DLGAP1: variants seen among roughly 807,000 people sequenced by gnomAD.
The protein encoded by DLGAP1 is disks large-associated protein 1.
DLGAP1 carries 11 observed loss-of-function variants against 90.8 expected under a neutral mutation model. The observed-to-expected ratio is 0.12, with a 90% CI of 0.08 to 0.20. The LOEUF (loss-of-function observed/expected upper bound fraction) is 0.20. Ranked by LOEUF, DLGAP1 falls within the 10% of genes least tolerant of loss-of-function variation. DLGAP1 has a pLI of 1.00. For missense variants in DLGAP1, 1,050 were observed against 1,333.8 expected, an observed-to-expected ratio of 0.79 and a Z score of 3.31; for synonymous variants, 558 against 540.7, an observed-to-expected ratio of 1.03 and a Z score of -0.44.
intron 3 of DLGAP1, among the ~76,000 whole-genome samples, chr18:3,934,499 A>G (rs997353858): frequency 1.3e-5 from 2 of 152,162 alleles, no homozygotes; most frequent in Non-Finnish European, 2.9e-5. Flanking sequence ...CAGGGAGATA[A>G]GAAGAGTGGC....
At chr18:4,229,923 G>A (rs1471329548) in intron 1 of DLGAP1, among the ~76,000 whole-genome samples, 1 of 151,900 alleles carries the variant, frequency 6.6e-6, no homozygotes, top group Non-Finnish European at 1.5e-5. Flanking sequence ...TATATAAGGA[G>A]CTCAAACAAC....
At position 3,602,593 on chromosome 18, in the gene DLGAP1, CAAAAAAAAAA is replaced by C. The variant is rs71159102; in HGVS notation, c.1592-20355_1592-20346del. On this transcript the variant is annotated intron_variant, in intron 7 of 12. Transcript: ENST00000315677. ...CTGGGCGACAGAGCGAGACTCCGTC[CAAAAAAAAAA>C]AAAAAAAAAAAAACAAAGAAACTTG... is the stretch of plus-strand genomic sequence containing the variant. Among the ~76,000 whole-genome samples, 524 of 66,716 alleles carry C rather than the reference CAAAAAAAAAA, an allele frequency of 7.9e-3. 4 individuals carry two copies. Among genetic ancestry groups the C allele is most frequent in the African/African-American group, 0.03 (489 of 16,276 alleles). The allele number at this position is 66,716 out of a possible 152,430, so 43.8% of individuals were successfully genotyped here.
intron 7 of DLGAP1, among the ~76,000 whole-genome samples, chr18:3,620,923 C>T (rs1639356): frequency 0.029 from 4,440 of 152,178 alleles, 198 homozygotes; most frequent in African/African-American, 0.1. Context: ...GAGCTTTCAC[C>T]CTTCAAACAG....
At chr18:3,725,078 C>A (rs1333641994) in intron 7 of DLGAP1, among the ~76,000 whole-genome samples, 1 of 152,176 alleles carries the variant, frequency 6.6e-6, no homozygotes, top group Non-Finnish European at 1.5e-5. Flanking sequence ...TTACCATCTG[C>A]CTCTCCCCAC....
chr18:3,585,861 C>T (rs1293656428), intron 7 of DLGAP1, among the ~76,000 whole-genome samples: 2 of 152,170 alleles, frequency 1.3e-5, no homozygotes, highest in African/African-American at 4.8e-5. Context: ...ATTTGATTTG[C>T]TGTGACATAC....
At chr18:3,901,334 T>C (rs2071777917) in intron 3 of DLGAP1, among the ~76,000 whole-genome samples, 1 of 152,172 alleles carries the variant, frequency 6.6e-6, no homozygotes. Context: ...TGCAATTGTC[T>C]CCTACACTCA....
chr18:4,086,289 C>T (rs577861435), intron 2 of DLGAP1, among the ~76,000 whole-genome samples: 40 of 152,252 alleles, frequency 2.6e-4, no homozygotes, highest in Non-Finnish European at 4.0e-4. Context: ...TTGCTCCCCT[C>T]GTCTTCATTA....
chr18:3,674,738 G>A (rs979636856), intron 7 of DLGAP1, among the ~76,000 whole-genome samples: 6 of 151,506 alleles, frequency 4.0e-5, no homozygotes, highest in Admixed American at 6.6e-5. Context: ...CCTATACCAC[G>A]TCCAACTCTA....
chr18:4,369,294 T>C (rs1167825818), intron 1 of DLGAP1, among the ~76,000 whole-genome samples: 1 of 152,082 alleles, frequency 6.6e-6, no homozygotes, highest in Non-Finnish European at 1.5e-5. Flanking sequence ...CATATGAGTG[T>C]GCGTGTGTGT....
intron 10 of DLGAP1, among the ~76,000 whole-genome samples, chr18:3,512,190 C>T (rs1008356110): frequency 2.0e-4 from 30 of 152,232 alleles, no homozygotes; most frequent in African/African-American, 5.1e-4. Flanking sequence ...CCAGGCAAGC[C>T]GTTTAACCAT....
chr18:4,313,749 A>T (rs114402610), intron 1 of DLGAP1, among the ~76,000 whole-genome samples: 5 of 152,218 alleles, frequency 3.3e-5, no homozygotes, highest in Non-Finnish European at 5.9e-5. Context: ...AAAAGAATAG[A>T]TAACAAGTTG....
intron 3 of DLGAP1, among the ~76,000 whole-genome samples, chr18:3,904,338 T>C (rs368292724): frequency 5.9e-5 from 9 of 152,258 alleles, no homozygotes; most frequent in African/African-American, 2.2e-4. Context: ...GGCGATGTGG[T>C]AGGTGGCACT....
chr18:4,316,201 C>T (rs970675272), intron 1 of DLGAP1, among the ~76,000 whole-genome samples: 4 of 152,218 alleles, frequency 2.6e-5, no homozygotes, highest in Admixed American at 2.0e-4. Flanking sequence ...TAACTTTGAG[C>T]TGCTAATGCC....
At chr18:3,710,656 G>A (rs2061570881) in intron 7 of DLGAP1, among the ~76,000 whole-genome samples, 1 of 152,212 alleles carries the variant, frequency 6.6e-6, no homozygotes, top group Non-Finnish European at 1.5e-5. Context: ...TTTTTTGGCT[G>A]GAATTGAGAT....
At chr18:4,394,033 G>T (rs138207520) in intron 1 of DLGAP1, among the ~76,000 whole-genome samples, 121 of 152,316 alleles carry the variant, frequency 7.9e-4, no homozygotes, top group Non-Finnish European at 1.3e-3. Flanking sequence ...TGGCAGAGGG[G>T]TTGGGGATCC....
At chr18:3,824,077 T>G (rs17649611) in intron 4 of DLGAP1, among the ~76,000 whole-genome samples, 28,302 of 151,974 alleles carry the variant, frequency 0.19, 2,718 homozygotes, top group South Asian at 0.25. Flanking sequence ...AACTTCATTT[T>G]CTGGTGTATT....
chr18:3,600,801 G>GATATATAGAT (rs1182476599), intron 7 of DLGAP1, among the ~76,000 whole-genome samples: 8 of 15,424 alleles, frequency 5.2e-4, no homozygotes, highest in Admixed American at 1.9e-3. Flanking sequence ...TAGATATATA[G>GATATATAGAT]ATATATAGAT....
At chr18:3,530,215 G>A (rs2051900797) in intron 10 of DLGAP1, among the ~76,000 whole-genome samples, 1 of 152,126 alleles carries the variant, frequency 6.6e-6, no homozygotes, top group Non-Finnish European at 1.5e-5. Context: ...AGATCAGCCT[G>A]GGCAACACAG....
intron 1 of DLGAP1, among the ~76,000 whole-genome samples, chr18:4,334,216 C>T (rs2143767761): frequency 6.6e-6 from 1 of 151,636 alleles, no homozygotes; most frequent in East Asian, 2.0e-4. Flanking sequence ...CCAGCCCGGG[C>T]AACAAGATTG....
Sources: allele counts gnomAD v4.1 joint callset (sites outside exome capture counted in the v4.1 genomes callset), GRCh38; gene constraint gnomAD v4.1.1; transcripts MANE v1.5; gene names NCBI Gene and HGNC (gene_info 2026-07-23, HGNC 2026-07-21).